Variants in KANK1 observed in about 807,000 individuals in gnomAD.
The protein encoded by KANK1 is KN motif and ankyrin repeat domains 1.
In KANK1, 109 loss-of-function variants were observed where a neutral mutation model predicts 106.2. That is an observed-to-expected ratio of 1.03 (90% CI 0.88 to 1.20). The LOEUF (loss-of-function observed/expected upper bound fraction) is 1.20, where lower values mean the gene tolerates loss of function less well. Among genes scored for constraint, KANK1 ranks in the 50% most tolerant of loss-of-function variants. KANK1 has a pLI of 0.00. For missense variants in KANK1, 2,399 were observed against 1,710.7 expected (o/e 1.40, Z -7.10); for synonymous variants, 873 against 652.2 (o/e 1.34, Z -5.16).
intron 1 of KANK1, among the ~76,000 whole-genome samples, chr9:648,072 T>C (rs1441627130): frequency 6.7e-6 from 1 of 148,266 alleles, no homozygotes; most frequent in Non-Finnish European, 1.5e-5. Context: ...GGTGCAATCT[T>C]GGCTCACTGC....
chr9:703,761 G>C (rs898554874), intron 2 of KANK1, among the ~76,000 whole-genome samples: 1 of 151,900 alleles, frequency 6.6e-6, no homozygotes, highest in Non-Finnish European at 1.5e-5. Context: ...ACCCAGGCTG[G>C]AATGCAGTGG....
chr9:693,479 T>C (rs1820481938), intron 2 of KANK1: 2 of 985,224 alleles, frequency 2.0e-6, no homozygotes, highest in South Asian at 4.7e-5. Flanking sequence ...CTGAAGAGTA[T>C]GAGGATAGTT....
chr9:598,947 A>G (rs919001807), intron 1 of KANK1, among the ~76,000 whole-genome samples: 2 of 149,626 alleles, frequency 1.3e-5, no homozygotes, highest in Non-Finnish European at 3.0e-5. Flanking sequence ...TAGGTATTTT[A>G]TTCTTTATAT....
intron 1 of KANK1, among the ~76,000 whole-genome samples, chr9:550,256 A>G (rs1298249414): frequency 6.6e-6 from 1 of 151,898 alleles, no homozygotes; most frequent in African/African-American, 2.4e-5. Context: ...GGATATTGGT[A>G]ATTCTAAAGC....
intron 2 of KANK1, among the ~76,000 whole-genome samples, chr9:678,874 T>C (rs536349085): frequency 6.6e-6 from 1 of 152,298 alleles, no homozygotes; most frequent in Admixed American, 6.5e-5. Context: ...CTCCATTTGC[T>C]TCCATTCACA....
At chr9:617,951 T>A (rs1371919305) in intron 1 of KANK1, among the ~76,000 whole-genome samples, 2 of 152,140 alleles carry the variant, frequency 1.3e-5, no homozygotes, top group Non-Finnish European at 2.9e-5. Context: ...CAGTAACATT[T>A]ATGGAACCAC....
chr9:607,001 C>T (rs983940343), intron 1 of KANK1, among the ~76,000 whole-genome samples: 2 of 151,608 alleles, frequency 1.3e-5, no homozygotes, highest in Non-Finnish European at 2.9e-5. Flanking sequence ...GTATTTTATG[C>T]CCACGGAAAA....
chr9:545,991 A>C (rs1587690165), intron 1 of KANK1, among the ~76,000 whole-genome samples: 1 of 151,672 alleles, frequency 6.6e-6, no homozygotes, highest in Non-Finnish European at 1.5e-5. Context: ...CAAGTGATCC[A>C]CCCGCCTTGG....
chr9:611,127 G>A (rs1830450470), intron 1 of KANK1, among the ~76,000 whole-genome samples: 1 of 152,182 alleles, frequency 6.6e-6, no homozygotes, highest in Admixed American at 6.5e-5. Context: ...TGAAGGGACG[G>A]TTGGCTTGAC....
intron 1 of KANK1, among the ~76,000 whole-genome samples, chr9:631,122 G>A (rs963774772): frequency 2.0e-5 from 3 of 152,112 alleles, no homozygotes; most frequent in Admixed American, 6.6e-5. Flanking sequence ...TCTGTTCAGC[G>A]TTAATACGTT....
chr9:700,015 A>G (rs1822256177), intron 2 of KANK1, among the ~76,000 whole-genome samples: 1 of 152,106 alleles, frequency 6.6e-6, no homozygotes, highest in Non-Finnish European at 1.5e-5. Context: ...TTACCTACCT[A>G]CCTACGTATA....
chr9:556,167 A>C (rs909721043), intron 1 of KANK1, among the ~76,000 whole-genome samples: 121 of 152,362 alleles, frequency 7.9e-4, no homozygotes, highest in African/African-American at 2.7e-3. Context: ...CTTATTTTAA[A>C]GAGGAGGAGA....
intron 1 of KANK1, among the ~76,000 whole-genome samples, chr9:675,787 A>AT (rs1223992128): frequency 1.3e-5 from 2 of 152,148 alleles, no homozygotes; most frequent in Non-Finnish European, 1.5e-5. Flanking sequence ...AGGAATAAAG[A>AT]ATGGCTACTC....
At chr9:597,980 C>G (rs183975585) in intron 1 of KANK1, among the ~76,000 whole-genome samples, 10 of 151,668 alleles carry the variant, frequency 6.6e-5, no homozygotes, top group Non-Finnish European at 1.5e-5. Flanking sequence ...ATGTTTTCTT[C>G]TAAGAAGTTA....
intron 1 of KANK1, among the ~76,000 whole-genome samples, chr9:578,474 T>G (rs79383801): frequency 1.3e-5 from 2 of 152,016 alleles, no homozygotes; most frequent in African/African-American, 4.8e-5. Flanking sequence ...CTTTTTTTTT[T>G]GTTGGGCGGC....
At chr9:663,895 A>G (rs10975639) in intron 1 of KANK1, among the ~76,000 whole-genome samples, 36,872 of 152,134 alleles carry the variant, frequency 0.24, 5,746 homozygotes, top group South Asian at 0.44. Context: ...GGAAGGTTGA[A>G]CACACTCATG....
At chr9:726,351 C>G (rs1012447591) in intron 3 of KANK1, among the ~76,000 whole-genome samples, 1 of 152,136 alleles carries the variant, frequency 6.6e-6, no homozygotes, top group African/African-American at 2.4e-5. Context: ...TAAACTTGAA[C>G]TGAGAGGCCA....
chr9:563,588 A>G (rs745867127), intron 1 of KANK1, among the ~76,000 whole-genome samples: 4 of 152,182 alleles, frequency 2.6e-5, no homozygotes, highest in African/African-American at 4.8e-5. Context: ...GTAGATATGT[A>G]TGTGTGTGTC....
rs368029713 is a variant in KANK1, at chr9:730,096, G to A, written c.2744G>A (p.Gly915Glu). The part of the protein sequence containing the change: ...YTCKCGGLQS[G>E]SPLSSQTSQP... ...TGTAAGTGTGGGGGCCTTCAGTCAG[G>A]AAGTCCCTTAAGCTCCCAGACATCC... Residue 915 changes from glycine (G) to glutamate (E), a missense_variant, in exon 4 of 12, where the codon GGA becomes GAA. Transcript: ENST00000382297. 1.9e-6 allele frequency: 3 copies of A among 1,614,072 alleles called. No homozygotes were observed. The highest frequency in any genetic ancestry group is 2.5e-6 in the Non-Finnish European group (3 of 1,180,036).
Sources: allele counts gnomAD v4.1 joint callset (sites outside exome capture counted in the v4.1 genomes callset), GRCh38; gene constraint gnomAD v4.1.1; transcripts MANE v1.5; gene names NCBI Gene and HGNC (gene_info 2026-07-23, HGNC 2026-07-21).